The following MRRF variants were observed in gnomAD, a reference collection of about 807,000 sequenced individuals.
The protein encoded by MRRF is mitochondrial ribosome recycling factor, also known as ribosome-recycling factor, mitochondrial.
Under a neutral mutation model 25.1 loss-of-function variants are expected in MRRF, and 18 were observed. That is an observed-to-expected ratio of 0.72 (90% CI 0.50 to 1.06). The LOEUF (loss-of-function observed/expected upper bound fraction) is 1.06, where lower values mean the gene tolerates loss of function less well. Among genes scored for constraint, MRRF ranks in the 50% least tolerant of loss-of-function variants. The pLI is 0.00. For synonymous variants in MRRF, 113 were observed against 112.1 expected (o/e 1.01, Z -0.05); for missense variants, 323 against 319.3 (o/e 1.01, Z -0.09).
At chr9:122,276,064 C>T (rs951817822) in intron 2 of MRRF, among the ~76,000 whole-genome samples, 4 of 151,798 alleles carry the variant, frequency 2.6e-5, no homozygotes, top group African/African-American at 7.3e-5. Flanking sequence ...CTTGCCACCA[C>T]GCCCAGCTAA....
At chr9:122,271,586 T>G (rs1832463318) in intron 2 of MRRF, among the ~76,000 whole-genome samples, 1 of 152,226 alleles carries the variant, frequency 6.6e-6, no homozygotes, top group South Asian at 2.1e-4. Context: ...CCTGACCTCT[T>G]AGACTAGGTC....
Position 122,275,185 on chromosome 9 carries a change from G to T in MRRF, c.184+4110G>T, listed in dbSNP as rs191142957. Among the ~76,000 whole-genome samples, 4 of 148,892 alleles carry T rather than the reference G, an allele frequency of 2.7e-5. No individual in the cohort carries two copies. The Admixed American group carries it at 2.7e-4, about 10-fold the overall frequency. On this transcript the variant is annotated intron_variant, in intron 2 of 6. Transcript: ENST00000344641. ...TATTACTAACTATAGTCCTCCTATT[G>T]TACATTAGATCTCCAGACTTGTTCA...
chr9:122,269,949 T>C (rs953698348), intron 1 of MRRF, among the ~76,000 whole-genome samples: 3 of 152,138 alleles, frequency 2.0e-5, no homozygotes, highest in African/African-American at 7.2e-5. Context: ...ATTTAGTCAG[T>C]AATGGAGCTA....
rs189025568 is a variant in MRRF, at chr9:122,330,866, G to T, written c.*8249G>T. The T allele has an allele frequency of 6.6e-6, 1 of 152,284 alleles. No homozygotes were observed. Among genetic ancestry groups the T allele is most frequent in the South Asian group, 2.1e-4 (1 of 4,836 alleles). 9.4% of individuals were successfully genotyped at this position (152,284 alleles called of 1,614,324 possible). A position where few individuals can be genotyped will look rare whatever the true frequency, so the allele number is the denominator to read the frequency against. On this transcript the variant is annotated 3_prime_UTR_variant, in exon 7 of 7. Coordinates refer to ENST00000344641, the MANE Select transcript of MRRF (RefSeq NM_138777.5). The surrounding 1 kb of genome is among the most constrained non-coding windows in gnomAD (Gnocchi z 4.2). ...AATCACTTGAACCCAGGAGGCAGAG[G>T]TTGCAGTGAGCCAAGATTGCACCAC...
Position 122,285,056 on chromosome 9 carries a change from T to C in MRRF, c.341-113T>C. 3 of 740,770 alleles carry C rather than the reference T, an allele frequency of 4.0e-6. No homozygotes were observed. The East Asian group carries it at 8.0e-5, about 20-fold the overall frequency. The allele number at this position is 740,770 out of a possible 1,614,324, so 45.9% of individuals were successfully genotyped here. A position where few individuals can be genotyped will look rare whatever the true frequency, so the allele number is the denominator to read the frequency against. ...TCCTCCCACTTCACTCCCAAAGCTC[T>C]GGGATAACAGGCATGAGCCACTGCA... On this transcript the variant is annotated intron_variant, in intron 3 of 6. Transcript: ENST00000344641.
intron 5 of MRRF, among the ~76,000 whole-genome samples, chr9:122,299,991 G>A (rs2118871180): frequency 6.6e-6 from 1 of 152,284 alleles, no homozygotes; most frequent in East Asian, 1.9e-4. Flanking sequence ...TAGATGTGCA[G>A]CAGATGTCTG....
chr9:122,281,528 A>G (rs1012531696), intron 3 of MRRF, among the ~76,000 whole-genome samples: 90 of 152,252 alleles, frequency 5.9e-4, no homozygotes, highest in Non-Finnish European at 1.2e-4. Flanking sequence ...TGTTCCCGTC[A>G]CTTGTCAACC....
intron 5 of MRRF, among the ~76,000 whole-genome samples, chr9:122,299,052 G>A (rs534680893): frequency 6.6e-6 from 1 of 152,088 alleles, no homozygotes; most frequent in South Asian, 2.1e-4. Context: ...TCAAGGAACA[G>A]CAAGAGGGCC....
chr9:122,286,177 C>G, intron 4 of MRRF: 1 of 1,287,846 alleles, frequency 7.8e-7, no homozygotes, highest in South Asian at 1.2e-5. Flanking sequence ...GTGAAGGAAT[C>G]CTCCTGTTCT....
chr9:122,313,686 A>T (rs1038169890), intron 6 of MRRF, among the ~76,000 whole-genome samples: 6 of 152,186 alleles, frequency 3.9e-5, no homozygotes, highest in Non-Finnish European at 7.4e-5. Context: ...AGGCAAGTTA[A>T]ATAACTTGCC....
chr9:122,270,751 G>C (rs1564468919), intron 1 of MRRF, 113 bp from the exon 2 acceptor site: 2 of 789,602 alleles, frequency 2.5e-6, no homozygotes, highest in Admixed American at 1.8e-5. Flanking sequence ...AAATTGTCTA[G>C]TACTTAGCTC....
At chr9:122,305,764 C>T (rs1003565345) in intron 5 of MRRF, among the ~76,000 whole-genome samples, 4 of 152,172 alleles carry the variant, frequency 2.6e-5, no homozygotes, top group Non-Finnish European at 4.4e-5. Flanking sequence ...TAATTGTTTA[C>T]TGTGTCTGTC....
chr9:122,268,544 C>G, intron 1 of MRRF, among the ~76,000 whole-genome samples: 1 of 152,214 alleles, frequency 6.6e-6, no homozygotes, highest in East Asian at 1.9e-4. Flanking sequence ...TAAAATAGAG[C>G]TTGGCTATTA....
At chr9:122,320,579 G>A (rs1254275041) in intron 6 of MRRF, among the ~76,000 whole-genome samples, 2 of 152,176 alleles carry the variant, frequency 1.3e-5, no homozygotes, top group East Asian at 1.9e-4. Context: ...AGGCTTTGTG[G>A]CTAGCTGAGT....
In MRRF at chr9:122,319,535, A is replaced by G. The variant is rs115670566; in HGVS notation, c.712-3005A>G. Among the ~76,000 whole-genome samples, 358 of 152,272 alleles carry G rather than the reference A, an allele frequency of 2.4e-3. 1 individual carries two copies. Among genetic ancestry groups the G allele is most frequent in the African/African-American group, 8.3e-3 (345 of 41,554 alleles). On this transcript the variant is annotated intron_variant, in intron 6 of 6. Transcript: ENST00000344641. ...CTATTCTACCTGCTTCATAGAGGCTATGTGAGGTTGTTGGATTTGAATGAA... is the reference window on the plus strand; with the variant it reads ...CTATTCTACCTGCTTCATAGAGGCTGTGTGAGGTTGTTGGATTTGAATGAA...
intron 1 of MRRF, among the ~76,000 whole-genome samples, chr9:122,267,483 T>C (rs904224503): frequency 1.3e-5 from 2 of 152,188 alleles, no homozygotes; most frequent in African/African-American, 4.8e-5. Context: ...TGTATGTGTT[T>C]TGTTAAGTGA....
At chr9:122,317,732 AT>A (rs1446963331) in intron 6 of MRRF, among the ~76,000 whole-genome samples, 1 of 152,214 alleles carries the variant, frequency 6.6e-6, no homozygotes, top group Non-Finnish European at 1.5e-5. Flanking sequence ...ATTATAAACA[AT>A]TTGGATTTTA....
intron 5 of MRRF, among the ~76,000 whole-genome samples, chr9:122,301,424 A>G (rs1027977899): frequency 6.6e-6 from 1 of 152,200 alleles, no homozygotes; most frequent in Non-Finnish European, 1.5e-5. Flanking sequence ...CTCTAAAAAG[A>G]AAACCAGTAG....
intron 5 of MRRF, among the ~76,000 whole-genome samples, chr9:122,303,142 TAAG>T (rs991732822): frequency 6.6e-6 from 1 of 152,104 alleles, no homozygotes; most frequent in African/African-American, 2.4e-5. Context: ...AAAAATAACA[TAAG>T]TTTATCCCAA....
Sources: allele counts gnomAD v4.1 joint callset (sites outside exome capture counted in the v4.1 genomes callset), GRCh38; gene constraint gnomAD v4.1.1; non-coding constraint Gnocchi (gnomAD v3.1); transcripts MANE v1.5; gene names NCBI Gene and HGNC (gene_info 2026-07-23, HGNC 2026-07-21).